TUBA1C: variants seen among roughly 807,000 people sequenced by gnomAD.
TUBA1C encodes tubulin alpha-1C chain.
TUBA1C carries 16 observed loss-of-function variants against 34.9 expected under a neutral mutation model. The observed-to-expected ratio is 0.46, with a 90% confidence interval of 0.31 to 0.70. The LOEUF is 0.70. TUBA1C is among the 30% of genes least tolerant of loss of function. TUBA1C has a pLI of 0.05. For missense variants in TUBA1C, 329 were observed against 587.3 expected (o/e 0.56, Z 4.55); for synonymous variants, 177 against 215.9 (o/e 0.82, Z 1.58).
chr12:49,235,605 C>T (rs1020680739), intron 1 of TUBA1C, among the ~76,000 whole-genome samples: 10 of 151,918 alleles, frequency 6.6e-5, no homozygotes, highest in African/African-American at 2.2e-4. Context: ...CCTGGTGGTG[C>T]GCGCCTGTAA....
intron 1 of TUBA1C, among the ~76,000 whole-genome samples, chr12:49,268,127 C>A (rs1250449268): frequency 6.6e-6 from 1 of 152,168 alleles, no homozygotes; most frequent in Non-Finnish European, 1.5e-5. Context: ...GACACAGAGT[C>A]TTGCCTCTGT....
At chr12:49,247,747 A>G (rs1942686549) in intron 1 of TUBA1C, among the ~76,000 whole-genome samples, 2 of 151,746 alleles carry the variant, frequency 1.3e-5, no homozygotes, top group South Asian at 4.2e-4. Flanking sequence ...GGAGTTCAAG[A>G]CCAGCTTGGC....
chr12:49,269,968 C>A lies in TUBA1C; in HGVS notation c.367C>A (p.Arg123Ser). ...EIIDLVLDRI[R>S]KLADQCTGLQ... Reference sequence around the variant, plus strand: ...CATTGACCTCGTGTTGGACCGAATTCGCAAGCTGGTAAGTATAGTACTTTA... The same window carrying A: ...CATTGACCTCGTGTTGGACCGAATTAGCAAGCTGGTAAGTATAGTACTTTA... Residue 123 changes from arginine (R) to serine (S), a missense_variant, in exon 3 of 4, where the codon CGC becomes AGC. Arg to Ser is a moderately radical substitution (Grantham distance 110). This residue lies in a region of TUBA1C where 152 missense variants were observed against 240.3 expected (regional missense o/e 0.63). Coordinates refer to ENST00000301072, the MANE Select transcript of TUBA1C (RefSeq NM_032704.5). 1 of 1,614,204 alleles carries A rather than the reference C, an allele frequency of 6.2e-7. No individual in the cohort carries two copies.
At chr12:49,263,146 G>A (rs1233502692), upstream of TUBA1C, among the ~76,000 whole-genome samples, 3 of 149,436 alleles carry the variant, frequency 2.0e-5, no homozygotes, top group Admixed American at 6.7e-5. Flanking sequence ...TCAGCCTCCC[G>A]AGTAGTTGGG....
chr12:49,259,234 C>T (rs1942818564), intron 1 of TUBA1C, among the ~76,000 whole-genome samples: 1 of 151,372 alleles, frequency 6.6e-6, no homozygotes, highest in African/African-American at 2.4e-5. Flanking sequence ...GATACAAATA[C>T]TTTCTTTTTT....
chr12:49,273,249 C>A lies in TUBA1C; in HGVS notation c.*22C>A. ...TTAACCTGTGTGCTGTACTTTTACACTCCTTTGTCTTGGAACTGTCTTATT... is the reference window on the plus strand; with the variant it reads ...TTAACCTGTGTGCTGTACTTTTACAATCCTTTGTCTTGGAACTGTCTTATT... On this transcript the variant is annotated 3_prime_UTR_variant, in exon 4 of 4. Transcript: ENST00000301072. 6.2e-7 allele frequency: 1 copy of A among 1,614,184 alleles called. No individual in the cohort carries two copies. The highest frequency in any genetic ancestry group is 1.1e-5 in the South Asian group (1 of 91,088).
chr12:49,272,138 T>G (rs1942999412), intron 3 of TUBA1C, 115 bp from the exon 4 acceptor site: 1 of 1,507,182 alleles, frequency 6.6e-7, no homozygotes, highest in South Asian at 1.4e-5. Context: ...CAGAAGAGTT[T>G]TAAAATTGCA....
intron 1 of TUBA1C, among the ~76,000 whole-genome samples, chr12:49,241,575 G>C (rs1451866892): frequency 6.6e-6 from 1 of 152,062 alleles, no homozygotes. Context: ...GCAATTTCTG[G>C]TGTATGATAA....
In TUBA1C at chr12:49,272,472, G is replaced by A. The variant is rs1454466137; in HGVS notation, c.595G>A (p.Asp199Asn). Residue 199 changes from aspartate (D) to asparagine (N), a missense_variant, in exon 4 of 4, where the codon GAT (aspartate) becomes AAT (asparagine). Coordinates refer to ENST00000301072, the MANE Select transcript of TUBA1C (RefSeq NM_032704.5). ...CACCCACACCACCCTGGAGCACTCT[G>A]ATTGTGCCTTCATGGTAGACAATGA... ...LTTHTTLEHS[D>N]CAFMVDNEAI... The A allele has an allele frequency of 6.2e-7, 1 of 1,611,004 alleles. No homozygotes were observed. Among genetic ancestry groups the A allele is most frequent in the Non-Finnish European group, 8.5e-7 (1 of 1,179,196 alleles).
intron 1 of TUBA1C, among the ~76,000 whole-genome samples, chr12:49,252,948 T>TGGTA (rs1555166911): frequency 6.7e-6 from 1 of 149,032 alleles, no homozygotes; most frequent in Non-Finnish European, 1.5e-5. Context: ...TAGTCAAGTG[T>TGGTA]GGTAGGCCTC....
At chr12:49,260,682 T>C (rs1942832364), upstream of TUBA1C, among the ~76,000 whole-genome samples, 1 of 152,208 alleles carries the variant, frequency 6.6e-6, no homozygotes, top group Admixed American at 6.5e-5. Flanking sequence ...TGCTATTCTG[T>C]ACATACAAGG....
intron 1 of TUBA1C, among the ~76,000 whole-genome samples, chr12:49,257,544 G>A (rs1942796755): frequency 2.0e-5 from 3 of 151,960 alleles, no homozygotes; most frequent in Non-Finnish European, 1.5e-5. Flanking sequence ...CACTTTGGGA[G>A]GCCAAGGTGG....
chr12:49,248,931 G>A (rs921076269), intron 1 of TUBA1C, among the ~76,000 whole-genome samples: 7 of 149,754 alleles, frequency 4.7e-5, no homozygotes, highest in Admixed American at 4.0e-4. Context: ...AAATCCCTAT[G>A]TATTTGGAAA....
chr12:49,255,906 C>G (rs1942779200), intron 1 of TUBA1C, among the ~76,000 whole-genome samples: 1 of 152,126 alleles, frequency 6.6e-6, no homozygotes, highest in South Asian at 2.1e-4. Context: ...GTGCTTGAGG[C>G]TAGGGCGTGG....
At chr12:49,254,171 C>T (rs1399198603) in intron 1 of TUBA1C, among the ~76,000 whole-genome samples, 3 of 151,996 alleles carry the variant, frequency 2.0e-5, no homozygotes, top group Non-Finnish European at 2.9e-5. Flanking sequence ...ATTAGCCGGG[C>T]GTGGTGGCGC....
chr12:49,242,725 C>T (rs1370525800), intron 1 of TUBA1C, among the ~76,000 whole-genome samples: 1 of 152,030 alleles, frequency 6.6e-6, no homozygotes, highest in Non-Finnish European at 1.5e-5. Flanking sequence ...TAGTCTCAAG[C>T]AATCCTCCTG....
chr12:49,267,309 A>G (rs1388767339), intron 1 of TUBA1C, among the ~76,000 whole-genome samples: 2 of 152,250 alleles, frequency 1.3e-5, no homozygotes, highest in Non-Finnish European at 2.9e-5. Flanking sequence ...CATCATGATC[A>G]GGTATCTGGT....
chr12:49,234,470 T>C (rs1175475800), intron 1 of TUBA1C, among the ~76,000 whole-genome samples: 1 of 152,216 alleles, frequency 6.6e-6, no homozygotes, highest in Non-Finnish European at 1.5e-5. Flanking sequence ...AAGGAGGCTG[T>C]GGTTGTGTCC....
At chr12:49,255,299 T>C (rs1156561666) in intron 1 of TUBA1C, among the ~76,000 whole-genome samples, 3 of 152,020 alleles carry the variant, frequency 2.0e-5, no homozygotes, top group Non-Finnish European at 4.4e-5. Flanking sequence ...GCAGTGCTTT[T>C]CCCTTTGTAT....
Sources: allele counts gnomAD v4.1 joint callset (sites outside exome capture counted in the v4.1 genomes callset), GRCh38; gene constraint gnomAD v4.1.1; regional missense constraint gnomAD v4.1.1; transcripts MANE v1.5; gene names NCBI Gene and HGNC (gene_info 2026-07-23, HGNC 2026-07-21).